Variants in DEPDC1 observed in about 807,000 individuals in gnomAD.
DEPDC1 encodes the protein DEP domain-containing protein 1A.
A neutral mutation model predicts 86.8 loss-of-function variants in DEPDC1; 66 were observed. That is an observed-to-expected ratio of 0.76 (90% CI 0.62 to 0.93). The LOEUF is 0.93. Ranked by LOEUF, DEPDC1 falls within the 40% of genes least tolerant of loss-of-function variation. DEPDC1 has a pLI of 0.00. For synonymous variants in DEPDC1, 255 were observed against 314.9 expected, an observed-to-expected ratio of 0.81 and a Z score of 2.02; for missense variants, 792 against 935.7, an observed-to-expected ratio of 0.85 and a Z score of 2.00.
In DEPDC1 at chr1:68,479,193, T is replaced by G; in HGVS notation, c.2063A>C (p.Tyr688Ser). 7 of 1,611,968 alleles carry G rather than the reference T, an allele frequency of 4.3e-6. No individual in the cohort carries two copies. The highest frequency in any genetic ancestry group is 5.9e-6 in the Non-Finnish European group (7 of 1,179,226). The part of the protein sequence containing the change: ...HHQEILQVPS[Y>S]LQTAVEKHLD... The stretch of plus-strand genomic sequence containing the variant: ...ATGTTTTTCCACTGCAGTCTGTAAG[T>G]AAGAGGGTACTTGAAGAATTTCCTG... Residue 688 changes from tyrosine to serine, a missense_variant, in exon 10 of 12, where the codon TAC (tyrosine) becomes TCC (serine). Tyr to Ser is a moderately radical substitution (Grantham distance 144). Coordinates refer to ENST00000456315, the MANE Select transcript of DEPDC1 (RefSeq NM_001114120.3).
rs541258536 is a variant in DEPDC1 at position 68,482,470 on chromosome 1, C to T, written c.1338G>A (p.Pro446=). Residue 446 remains proline, a synonymous_variant, in exon 8 of 12, where the codon CCG becomes CCA. Transcript: ENST00000456315. ...GTTTATTATTTTGTCCTTCTATGTT[C>T]GGAAAAGATTGATGAAAGACACTGG... is the stretch of plus-strand genomic sequence containing the variant. ...EASSVFHQSF[P]NIEGQNNKLF... is the part of the protein sequence containing the mutation. 87 of 1,612,748 alleles carry T rather than the reference C, an allele frequency of 5.4e-5. No homozygotes were observed. The highest frequency in any genetic ancestry group is 1.7e-4 in the Admixed American group (10 of 59,820).
chr1:68,486,980 G>A lies in DEPDC1; in HGVS notation c.726C>T (p.Asp242=). Residue 242 remains aspartate, a synonymous_variant, in exon 6 of 12, where the codon GAC becomes GAT. Transcript: ENST00000456315. The part of the protein sequence containing the change: ...GVVILQNKSD[D]LPHWVLSAMK... ...TGGCAGATAATACCCAGTGAGGGAG[G>A]TCATCTACACAAAAAGAAAAATATT... is the stretch of plus-strand genomic sequence containing the variant. 2.5e-6 allele frequency: 4 copies of A among 1,597,540 alleles called. No homozygotes were observed. Among genetic ancestry groups the A allele is most frequent in the Non-Finnish European group, 3.4e-6 (4 of 1,173,868 alleles).
intron 2 of DEPDC1, among the ~76,000 whole-genome samples, chr1:68,492,698 A>G (rs1646237914): frequency 6.6e-6 from 1 of 152,212 alleles, no homozygotes; most frequent in Non-Finnish European, 1.5e-5. Context: ...AGGTAAAACA[A>G]AAGCAAAACA....
At position 68,496,656 on chromosome 1, in the gene DEPDC1, C is replaced by G. The variant is rs559218401; in HGVS notation, c.48+296G>C. ...AAATCGGAATATTCTAAGACGCCCC[C>G]ACGGGACGCCGGCCACACCAGGCAC... On this transcript the variant is annotated intron_variant, in intron 1 of 11. Transcript: ENST00000456315. This position sits in a 1 kb window ranked among gnomAD's most constrained non-coding sequence, Gnocchi z 4.0. The G allele has an allele frequency of 2.8e-5, 10 of 359,808 alleles. No individual in the cohort carries two copies. In the East Asian group the frequency reaches 3.9e-4, roughly 14 times the overall value. 22.3% of individuals were successfully genotyped at this position (359,808 alleles called of 1,614,324 possible).
At position 68,482,936 on chromosome 1, in the gene DEPDC1, T is replaced by C. The variant is rs1646167654; in HGVS notation, c.911-39A>G. On this transcript the variant is annotated intron_variant, in intron 7 of 11. Coordinates refer to ENST00000456315, the MANE Select transcript of DEPDC1 (RefSeq NM_001114120.3). ...AAACAAAAATTAAGATGCAACTGTA[T>C]GACAGTGGACAAAAATAAAACAAAA... 2.6e-6 allele frequency: 4 copies of C among 1,527,494 alleles called. No individual in the cohort carries two copies. The South Asian group carries it at 5.4e-5, about 20-fold the overall frequency. 94.6% of individuals were successfully genotyped at this position (1,527,494 alleles called of 1,614,324 possible). A position where few individuals can be genotyped will look rare whatever the true frequency, so the allele number is the denominator to read the frequency against.
intron 2 of DEPDC1, among the ~76,000 whole-genome samples, chr1:68,492,876 T>G (rs1286570050): frequency 2.0e-5 from 3 of 152,060 alleles, no homozygotes; most frequent in Non-Finnish European, 4.4e-5. Flanking sequence ...GCAATGCAAT[T>G]TATTCAGATA....
At chr1:68,488,128 C>A (rs567928831) in intron 5 of DEPDC1, among the ~76,000 whole-genome samples, 4 of 151,890 alleles carry the variant, frequency 2.6e-5, no homozygotes, top group African/African-American at 9.6e-5. Flanking sequence ...CTTTTGGATG[C>A]TTAACTTTGT....
At chr1:68,483,915 C>A in intron 7 of DEPDC1, 35 bp downstream of exon 7, 1 of 1,298,546 alleles carries the variant, frequency 7.7e-7, no homozygotes, top group Non-Finnish European at 1.0e-6. Flanking sequence ...AAAACTTTAA[C>A]AAAATGAACT....
intron 2 of DEPDC1, among the ~76,000 whole-genome samples, chr1:68,492,483 G>A (rs1646236458): frequency 6.6e-6 from 1 of 152,028 alleles, no homozygotes. Flanking sequence ...AAGGTGGGTG[G>A]ATCCCTTGAG....
intron 2 of DEPDC1, among the ~76,000 whole-genome samples, chr1:68,492,689 G>A (rs1256311342): frequency 6.6e-6 from 1 of 152,100 alleles, no homozygotes; most frequent in Non-Finnish European, 1.5e-5. Context: ...CAGAAATCCA[G>A]GTAAAACAAA....
rs1438825337 is a variant in DEPDC1 at position 68,475,043 on chromosome 1, T to G, written c.*1889A>C. ...TGAGACACTGTGCTAACACTTTACA[T>G]GCATTATCCTGCTTAATCCTCGCAA... is the stretch of plus-strand genomic sequence containing the variant. On this transcript the variant is annotated 3_prime_UTR_variant, in exon 12 of 12. Coordinates refer to ENST00000456315, the MANE Select transcript of DEPDC1 (RefSeq NM_001114120.3). 6.6e-6 allele frequency: 1 copy of G among 152,040 alleles called. No individual in the cohort carries two copies. The highest frequency in any genetic ancestry group is 2.4e-5 in the African/African-American group (1 of 41,440). 9.4% of individuals were successfully genotyped at this position (152,040 alleles called of 1,614,324 possible). A position where few individuals can be genotyped will look rare whatever the true frequency, so the allele number is the denominator to read the frequency against.
intron 6 of DEPDC1, 90 bp from the exon 7 acceptor site, chr1:68,484,180 T>C: frequency 4.8e-6 from 5 of 1,032,940 alleles, no homozygotes; most frequent in Non-Finnish European, 6.7e-6. Context: ...CTGTATTTCA[T>C]GAAGGAGCTA....
At chr1:68,486,159 T>C (rs114123237) in intron 6 of DEPDC1, among the ~76,000 whole-genome samples, 352 of 152,208 alleles carry the variant, frequency 2.3e-3, no homozygotes, top group African/African-American at 8.3e-3. Context: ...TCATGCCAAA[T>C]TGGTAATCCC....
At chr1:68,478,254 C>T (rs1646130654) in intron 10 of DEPDC1, among the ~76,000 whole-genome samples, 1 of 151,828 alleles carries the variant, frequency 6.6e-6, no homozygotes, top group African/African-American at 2.4e-5. Context: ...ATAGAAAGGG[C>T]TCAGCCCACA....
chr1:68,478,930 C>A (rs1646135141), intron 10 of DEPDC1, among the ~76,000 whole-genome samples: 2 of 149,690 alleles, frequency 1.3e-5, no homozygotes, highest in African/African-American at 4.9e-5. Flanking sequence ...TGTGAAGGAG[C>A]CATTGTCAAA....
intron 6 of DEPDC1, among the ~76,000 whole-genome samples, chr1:68,485,643 T>C (rs1646188344): frequency 6.6e-6 from 1 of 152,098 alleles, no homozygotes; most frequent in Non-Finnish European, 1.5e-5. Context: ...TCAGTATGCC[T>C]ATCTGAATTC....
intron 2 of DEPDC1, among the ~76,000 whole-genome samples, chr1:68,492,321 T>C (rs559779647): frequency 4.6e-5 from 7 of 152,318 alleles, no homozygotes; most frequent in African/African-American, 1.4e-4. Flanking sequence ...TTTATTCTAT[T>C]TAATACAATT....
intron 5 of DEPDC1, among the ~76,000 whole-genome samples, chr1:68,487,521 A>G (rs1435129941): frequency 6.6e-6 from 1 of 151,982 alleles, no homozygotes; most frequent in East Asian, 1.9e-4. Flanking sequence ...GGTTACAAAG[A>G]ATAGAAATCT....
Position 68,481,464 on chromosome 1 carries a change from A to T in DEPDC1, c.1911T>A (p.His637Gln). 6.2e-7 allele frequency: 1 copy of T among 1,612,316 alleles called. No individual in the cohort carries two copies. The highest frequency in any genetic ancestry group is 8.5e-7 in the Non-Finnish European group (1 of 1,178,924). The change falls in exon 9 of 12, where the codon CAT becomes CAA. Residue 637 changes from histidine (H) to glutamine (Q), a missense_variant. Coordinates refer to ENST00000456315, the MANE Select transcript of DEPDC1 (RefSeq NM_001114120.3). The stretch of plus-strand genomic sequence containing the variant: ...CCAGTGACCTCGTACCCATTGCATC[A>T]TGAAGTTTGGGCATATCAACATTTT... Reference protein sequence around the residue: ...MSQNVDMPKLHDAMGTRSLMI... With the variant: ...MSQNVDMPKLQDAMGTRSLMI...
Sources: allele counts gnomAD v4.1 joint callset (sites outside exome capture counted in the v4.1 genomes callset), GRCh38; gene constraint gnomAD v4.1.1; non-coding constraint Gnocchi (gnomAD v3.1); transcripts MANE v1.5; gene names NCBI Gene and HGNC (gene_info 2026-07-23, HGNC 2026-07-21).